The following RIT2 variants were observed in gnomAD, a reference collection of about 807,000 sequenced individuals.
RIT2 encodes the protein GTP-binding protein Rit2.
A neutral mutation model predicts 23.7 loss-of-function variants in RIT2; 24 were observed. That is an observed-to-expected ratio of 1.01 (90% confidence interval 0.73 to 1.43). RIT2 has a LOEUF of 1.43. RIT2 is among the 40% of genes most tolerant of loss of function. The probability of loss-of-function intolerance (pLI) is 0.00; values close to 1 mark genes in which losing one functional copy is unlikely to be tolerated. For missense variants in RIT2, 236 were observed against 266.9 expected (o/e 0.88, Z 0.81); for synonymous variants, 107 against 91.1 (o/e 1.17, Z -0.99).
At chr18:42,880,824 T>TTTGG (rs1907872092) in intron 4 of RIT2, among the ~76,000 whole-genome samples, 1 of 149,822 alleles carries the variant, frequency 6.7e-6, no homozygotes, top group South Asian at 2.1e-4. Context: ...TTTTTTTTTT[T>TTTGG]GAGACAGAAT....
chr18:42,928,463 T>C (rs1909238795), intron 3 of RIT2, among the ~76,000 whole-genome samples: 2 of 152,086 alleles, frequency 1.3e-5, no homozygotes, highest in South Asian at 4.1e-4. Context: ...CACTCTTAAA[T>C]AGCCTTTCAT....
intron 1 of RIT2, among the ~76,000 whole-genome samples, chr18:43,053,708 T>A (rs1447252408): frequency 6.6e-6 from 1 of 152,054 alleles, no homozygotes; most frequent in Non-Finnish European, 1.5e-5. Flanking sequence ...TAAAAGATGG[T>A]GAAGAAAATA....
At chr18:42,942,906 T>A (rs1909637863) in intron 3 of RIT2, among the ~76,000 whole-genome samples, 1 of 152,196 alleles carries the variant, frequency 6.6e-6, no homozygotes, top group African/African-American at 2.4e-5. Context: ...TGATTGATGA[T>A]GTTTGAACTG....
intron 3 of RIT2, among the ~76,000 whole-genome samples, chr18:42,971,934 A>T (rs1215196374): frequency 1.3e-5 from 2 of 152,016 alleles, no homozygotes; most frequent in Non-Finnish European, 2.9e-5. Flanking sequence ...ATTCATCATT[A>T]TATTGGCACC....
intron 4 of RIT2, among the ~76,000 whole-genome samples, chr18:42,800,580 G>C (rs1357400723): frequency 6.6e-6 from 1 of 150,688 alleles, no homozygotes; most frequent in Non-Finnish European, 1.5e-5. Context: ...TGGAGTGCTG[G>C]CGTGGAGTGG....
At chr18:42,844,379 A>C (rs1270867167) in intron 4 of RIT2, among the ~76,000 whole-genome samples, 1 of 152,236 alleles carries the variant, frequency 6.6e-6, no homozygotes, top group African/African-American at 2.4e-5. Flanking sequence ...GCTCTTGTCC[A>C]GCATCCAAGA....
rs985106100 is a variant in RIT2 at position 43,010,898 on chromosome 18, G to T, written c.160+22913C>A. Among the ~76,000 whole-genome samples, 5 of 151,872 alleles carry T rather than the reference G, an allele frequency of 3.3e-5. 1 individual carries two copies. The highest frequency in any genetic ancestry group is 3.3e-4 in the Admixed American group (5 of 15,208). On this transcript the variant is annotated intron_variant, in intron 2 of 4. Transcript: ENST00000326695. Reference sequence around the variant, plus strand: ...ATTATTCTGTTGCCAAGATATATGGGAGAACAATAGCTGTTCCCAAGGTAT... The same window carrying T: ...ATTATTCTGTTGCCAAGATATATGGTAGAACAATAGCTGTTCCCAAGGTAT...
chr18:42,994,770 C>T (rs1182970734), intron 2 of RIT2, among the ~76,000 whole-genome samples: 1 of 152,084 alleles, frequency 6.6e-6, no homozygotes, highest in Non-Finnish European at 1.5e-5. Flanking sequence ...CTTTTAGAGG[C>T]CCTCAAAATC....
At chr18:42,868,622 A>G (rs1907535136) in intron 4 of RIT2, among the ~76,000 whole-genome samples, 1 of 152,228 alleles carries the variant, frequency 6.6e-6, no homozygotes, top group African/African-American at 2.4e-5. Flanking sequence ...ATACTTGTTA[A>G]ATAATGCTCA....
chr18:42,995,328 T>C (rs1055091265), intron 2 of RIT2, among the ~76,000 whole-genome samples: 1 of 150,716 alleles, frequency 6.6e-6, no homozygotes, highest in East Asian at 2.0e-4. Flanking sequence ...CCAGGACTGG[T>C]AAATTAGCTT....
intron 4 of RIT2, among the ~76,000 whole-genome samples, chr18:42,890,284 A>T (rs9966437): frequency 0.052 from 7,877 of 152,092 alleles, 597 homozygotes; most frequent in East Asian, 0.32. Context: ...ATAAAAAAAA[A>T]TTCCAAACAG....
At chr18:42,919,430 T>A (rs1035192522) in intron 4 of RIT2, among the ~76,000 whole-genome samples, 2 of 152,062 alleles carry the variant, frequency 1.3e-5, no homozygotes, top group African/African-American at 4.8e-5. Flanking sequence ...ATAAAACAGT[T>A]TGGCCGGGCG....
chr18:42,914,664 C>CT (rs1339852147), intron 4 of RIT2, among the ~76,000 whole-genome samples: 1 of 151,932 alleles, frequency 6.6e-6, no homozygotes, highest in Non-Finnish European at 1.5e-5. Context: ...AGAAGGGCCT[C>CT]AGAGTAATGG....
intron 4 of RIT2, among the ~76,000 whole-genome samples, chr18:42,775,887 G>A (rs1390060038): frequency 2.3e-5 from 3 of 131,078 alleles, no homozygotes; most frequent in African/African-American, 7.7e-5. Context: ...ACACAGAGAT[G>A]TAAATACACA....
chr18:42,833,482 T>G (rs1290897358), intron 4 of RIT2, among the ~76,000 whole-genome samples: 1 of 152,238 alleles, frequency 6.6e-6, no homozygotes, highest in Admixed American at 6.5e-5. Context: ...ATTGAAGATC[T>G]TGTCTTTTTG....
At chr18:43,067,099 C>T (rs1024764364) in intron 1 of RIT2, among the ~76,000 whole-genome samples, 17 of 151,714 alleles carry the variant, frequency 1.1e-4, no homozygotes, top group African/African-American at 1.9e-4. Flanking sequence ...TTCAAAGTAA[C>T]GATAACTTTC....
chr18:42,852,815 T>TGCAGG (rs1907090565), intron 4 of RIT2, among the ~76,000 whole-genome samples: 1 of 111,414 alleles, frequency 9.0e-6, no homozygotes, highest in Non-Finnish European at 1.7e-5. Flanking sequence ...CTCCCTCCCT[T>TGCAGG]CCTTCCTTCC....
chr18:42,968,059 A>T (rs1910279422), intron 3 of RIT2, among the ~76,000 whole-genome samples: 1 of 152,166 alleles, frequency 6.6e-6, no homozygotes, highest in South Asian at 2.1e-4. Flanking sequence ...AAGGGTTTAT[A>T]AACAATGTAA....
At chr18:42,808,264 G>T (rs1001672806) in intron 4 of RIT2, among the ~76,000 whole-genome samples, 2 of 152,128 alleles carry the variant, frequency 1.3e-5, no homozygotes, top group African/African-American at 2.4e-5. Flanking sequence ...ACAGATGCTG[G>T]ATATTTACCA....
Sources: gnomAD v4.1 joint callset for allele counts (sites outside exome capture counted in the v4.1 genomes callset) on GRCh38, gnomAD v4.1.1 for gene constraint, MANE v1.5 for transcripts, NCBI Gene and HGNC (gene_info 2026-07-23, HGNC 2026-07-21) for gene names.